Variants in TNFRSF19 observed in about 807,000 individuals in gnomAD.
TNFRSF19 encodes tumor necrosis factor receptor superfamily member 19.
Under a neutral mutation model 46.4 loss-of-function variants are expected in TNFRSF19, and 27 were observed. The ratio of observed to expected loss-of-function variants is 0.58; its 90% CI spans 0.43 to 0.80. TNFRSF19 has a LOEUF of 0.80. Ranked by LOEUF, TNFRSF19 falls within the 30% of genes least tolerant of loss-of-function variation. TNFRSF19 has a pLI of 0.00. For missense variants in TNFRSF19, 511 were observed against 530.8 expected, an observed-to-expected ratio of 0.96 and a Z score of 0.37; for synonymous variants, 204 against 205.0, an observed-to-expected ratio of 1.00 and a Z score of 0.04.
intron 3 of TNFRSF19, among the ~76,000 whole-genome samples, chr13:23,603,527 G>C (rs575459812): frequency 6.6e-6 from 1 of 152,002 alleles, no homozygotes; most frequent in South Asian, 2.1e-4. Context: ...AGAAACTATA[G>C]ACCAATATCT....
intron 1 of TNFRSF19, among the ~76,000 whole-genome samples, chr13:23,576,418 C>T (rs1877961736): frequency 6.6e-6 from 1 of 152,186 alleles, no homozygotes; most frequent in Non-Finnish European, 1.5e-5. Flanking sequence ...CAAGCGTGAG[C>T]CACTGCACCC....
intron 6 of TNFRSF19, among the ~76,000 whole-genome samples, 170 bp from the exon 7 acceptor site, chr13:23,660,195 T>G (rs112193591): frequency 2.6e-5 from 4 of 152,362 alleles, no homozygotes; most frequent in African/African-American, 7.2e-5. Context: ...GTACCCTACA[T>G]TTTGAACTTT....
intron 7 of TNFRSF19, among the ~76,000 whole-genome samples, chr13:23,665,016 T>A (rs1295880146): frequency 1.3e-5 from 2 of 152,264 alleles, no homozygotes; most frequent in African/African-American, 4.8e-5. Flanking sequence ...TTCATTTTAA[T>A]TCTTTTTCTG....
At chr13:23,590,755 A>G (rs1032516838) in intron 2 of TNFRSF19, among the ~76,000 whole-genome samples, 7 of 152,254 alleles carry the variant, frequency 4.6e-5, no homozygotes, top group African/African-American at 1.4e-4. Flanking sequence ...ATATGTAACA[A>G]TTGTTGAAAT....
intron 5 of TNFRSF19, among the ~76,000 whole-genome samples, chr13:23,646,949 G>A (rs1023258212): frequency 6.6e-6 from 1 of 152,112 alleles, no homozygotes; most frequent in Non-Finnish European, 1.5e-5. Flanking sequence ...ACCAAAACTT[G>A]TTATTTTCTA....
chr13:23,587,963 C>T (rs1012941500), intron 1 of TNFRSF19, among the ~76,000 whole-genome samples: 1 of 152,276 alleles, frequency 6.6e-6, no homozygotes, highest in East Asian at 1.9e-4. Context: ...CTAGATGCCT[C>T]CTATTTGTCC....
chr13:23,651,040 T>C (rs552625484), intron 5 of TNFRSF19, among the ~76,000 whole-genome samples: 18 of 152,320 alleles, frequency 1.2e-4, no homozygotes, highest in Non-Finnish European at 2.2e-4. Context: ...CTTAACCAGT[T>C]TAGATTAACA....
intron 3 of TNFRSF19, among the ~76,000 whole-genome samples, chr13:23,599,988 A>C (rs1880021340): frequency 6.6e-6 from 1 of 152,114 alleles, no homozygotes; most frequent in African/African-American, 2.4e-5. Context: ...CTTTTCCCAA[A>C]TCTCAGTGAA....
At chr13:23,621,989 A>G (rs1032817522) in intron 4 of TNFRSF19, among the ~76,000 whole-genome samples, 2 of 151,924 alleles carry the variant, frequency 1.3e-5, no homozygotes. Flanking sequence ...CAGACCAGAT[A>G]CTGTTGATAG....
At chr13:23,658,667 A>C (rs1379123012) in intron 5 of TNFRSF19, among the ~76,000 whole-genome samples, 3 of 152,220 alleles carry the variant, frequency 2.0e-5, no homozygotes. Context: ...GTGTAATTCC[A>C]ATTAAGTACA....
At chr13:23,615,174 T>C (rs1180778025) in intron 3 of TNFRSF19, among the ~76,000 whole-genome samples, 2 of 152,242 alleles carry the variant, frequency 1.3e-5, no homozygotes. Flanking sequence ...TACTGAGTTC[T>C]TGAACTTGTG....
intron 8 of TNFRSF19, 97 bp downstream of exon 8, chr13:23,668,179 C>A (rs1398796407): frequency 2.7e-6 from 3 of 1,092,122 alleles, no homozygotes; most frequent in South Asian, 1.6e-5. Context: ...GGAAACATCA[C>A]CTCTTAAATA....
chr13:23,650,762 G>A (rs994026155), intron 5 of TNFRSF19, among the ~76,000 whole-genome samples: 3 of 152,150 alleles, frequency 2.0e-5, no homozygotes, highest in East Asian at 3.9e-4. Flanking sequence ...TTTAAAAAAT[G>A]TAGTTATGGA....
At chr13:23,651,866 T>TTTTTTAATAA (rs1883662912) in intron 5 of TNFRSF19, among the ~76,000 whole-genome samples, 1 of 36,930 alleles carries the variant, frequency 2.7e-5, no homozygotes, top group Non-Finnish European at 5.5e-5. Context: ...TTTTTTACTC[T>TTTTTTAATAA]AAATGGTTGG....
chr13:23,593,594 TATC>T, intron 3 of TNFRSF19, 139 bp downstream of exon 3: 1 of 649,250 alleles, frequency 1.5e-6, no homozygotes, highest in South Asian at 1.9e-5. Context: ...TTTAGCCAAA[TATC>T]ATACAATTCC....
chr13:23,597,587 A>T (rs1021485467), intron 3 of TNFRSF19, among the ~76,000 whole-genome samples: 1 of 148,424 alleles, frequency 6.7e-6, no homozygotes, highest in African/African-American at 2.5e-5. Flanking sequence ...ACAAGTTCTG[A>T]AATTGAGGCA....
chr13:23,669,265 TA>T (rs1323138560), intron 9 of TNFRSF19, 168 bp downstream of exon 9: 3 of 1,409,416 alleles, frequency 2.1e-6, no homozygotes, highest in Admixed American at 3.2e-5. Flanking sequence ...AGTATTTTTT[TA>T]AAAAACTAAC....
chr13:23,632,152 A>T (rs1882397049), intron 5 of TNFRSF19, among the ~76,000 whole-genome samples: 1 of 152,144 alleles, frequency 6.6e-6, no homozygotes, highest in South Asian at 2.1e-4. Context: ...TAAGGGCTCC[A>T]TTTACTGAGG....
chr13:23,580,780 CAT>C (rs1263754000), intron 1 of TNFRSF19, among the ~76,000 whole-genome samples: 3 of 152,212 alleles, frequency 2.0e-5, no homozygotes, highest in African/African-American at 7.2e-5. Context: ...TAAAACAAAA[CAT>C]AGAAATGCAT....
Sources: gnomAD v4.1 joint callset for allele counts (sites outside exome capture counted in the v4.1 genomes callset) on GRCh38, gnomAD v4.1.1 for gene constraint, MANE v1.5 for transcripts, NCBI Gene and HGNC (gene_info 2026-07-23, HGNC 2026-07-21) for gene names.